Variants in SLC22A4 observed in about 807,000 individuals in gnomAD.
SLC22A4 encodes the protein ET transporter.
In SLC22A4, 39 loss-of-function variants were observed where a neutral mutation model predicts 56.6. That is an observed-to-expected ratio of 0.69 (90% CI 0.53 to 0.90). SLC22A4 has a LOEUF of 0.90. SLC22A4 is among the 40% of genes least tolerant of loss of function. SLC22A4 has a pLI of 0.00. For synonymous variants in SLC22A4, 241 were observed against 281.4 expected, an observed-to-expected ratio of 0.86 and a Z score of 1.44; for missense variants, 594 against 696.5, an observed-to-expected ratio of 0.85 and a Z score of 1.66.
chr5:132,294,480 C>T lies in SLC22A4; in HGVS notation c.-137C>T. On this transcript the variant is annotated 5_prime_UTR_variant, in exon 1 of 10. Coordinates refer to ENST00000200652, the MANE Select transcript of SLC22A4 (RefSeq NM_003059.3). This position sits in a 1 kb window ranked among gnomAD's most constrained non-coding sequence, Gnocchi z 5.6. ...GTTTCCCAGGAACGGTCCCCGGCTT[C>T]GCGCCCCAATTTCTAACAGCCTGCC... 8.0e-7 allele frequency: 1 copy of T among 1,252,004 alleles called. No individual in the cohort carries two copies. Among genetic ancestry groups the T allele is most frequent in the Non-Finnish European group, 1.1e-6 (1 of 890,360 alleles). 77.6% of individuals were successfully genotyped at this position (1,252,004 alleles called of 1,614,324 possible).
At chr5:132,295,417 T>G in intron 1 of SLC22A4, 1 of 412,836 alleles carries the variant, frequency 2.4e-6, no homozygotes. Flanking sequence ...GGGCCAAATC[T>G]TGTCTGTTCC....
At chr5:132,315,483 C>T (rs1375160012) in intron 3 of SLC22A4, among the ~76,000 whole-genome samples, 1 of 152,134 alleles carries the variant, frequency 6.6e-6, no homozygotes, top group African/African-American at 2.4e-5. Context: ...CTCCAAGCCT[C>T]CCCTGTGTGA....
Position 132,324,563 on chromosome 5 carries a change from TC to T in SLC22A4, c.824+2213del, listed in dbSNP as rs528013729. On this transcript the variant is annotated intron_variant, in intron 4 of 9. Coordinates refer to ENST00000200652, the MANE Select transcript of SLC22A4 (RefSeq NM_003059.3). ...GGACCAGCACTGACAAGCTGAGTGC[TC>T]CCCCTGAACATTTACCAGTGGTCTT... 113 of 471,138 alleles carry T rather than the reference TC, an allele frequency of 2.4e-4. 1 individual carries two copies. The highest frequency in any genetic ancestry group is 1.7e-3 in the South Asian group (110 of 64,566). 29.2% of individuals were successfully genotyped at this position (471,138 alleles called of 1,614,324 possible).
chr5:132,339,439 A>G (rs2126743284), intron 8 of SLC22A4, among the ~76,000 whole-genome samples: 1 of 150,714 alleles, frequency 6.6e-6, no homozygotes, highest in East Asian at 2.0e-4. Flanking sequence ...GACACACCTC[A>G]TCAATTGGGC....
rs1246277168 is a variant in SLC22A4 at position 132,315,132 on chromosome 5, G to A, written c.652+1364G>A. Reference sequence around the variant, plus strand: ...AGTGGCTCCAAGAACACAAGGCAAAGCCTATTGTCTTCATGTTCAAAGTCC... The same window carrying A: ...AGTGGCTCCAAGAACACAAGGCAAAACCTATTGTCTTCATGTTCAAAGTCC... On this transcript the variant is annotated intron_variant, in intron 3 of 9. Transcript: ENST00000200652. 2.6e-4 allele frequency among the ~76,000 whole-genome samples: 40 copies of A among 152,194 alleles called. 1 individual carries two copies. The highest frequency in any genetic ancestry group is 1.5e-5 in the Non-Finnish European group (1 of 68,028).
At chr5:132,320,589 G>A (rs1750502484) in intron 3 of SLC22A4, among the ~76,000 whole-genome samples, 1 of 152,204 alleles carries the variant, frequency 6.6e-6, no homozygotes, top group South Asian at 2.1e-4. Flanking sequence ...CAAAGTACTG[G>A]CTGTTTCTAT....
chr5:132,336,670 C>G (rs1196816094), intron 8 of SLC22A4, among the ~76,000 whole-genome samples: 1 of 152,078 alleles, frequency 6.6e-6, no homozygotes, highest in Non-Finnish European at 1.5e-5. Flanking sequence ...TAAATAGGTA[C>G]CTCCTTTTAA....
chr5:132,309,108 A>G (rs1478722055), intron 1 of SLC22A4, among the ~76,000 whole-genome samples: 1 of 152,342 alleles, frequency 6.6e-6, no homozygotes. Flanking sequence ...TGAAGGGCCC[A>G]GGGGCAGGCA....
At chr5:132,337,273 T>A (rs868566492) in intron 8 of SLC22A4, among the ~76,000 whole-genome samples, 1 of 94,714 alleles carries the variant, frequency 1.1e-5, no homozygotes, top group South Asian at 2.9e-4. Context: ...GATTACCTTT[T>A]TTTTTTTTTT....
chr5:132,332,264 T>C (rs1249022242), intron 6 of SLC22A4: 3 of 287,918 alleles, frequency 1.0e-5, no homozygotes, highest in East Asian at 1.7e-4. Context: ...CAGTGAGCCT[T>C]GATCGCACTA....
chr5:132,344,133 C>T lies in SLC22A4; in HGVS notation c.*298C>T, dbSNP rs1274259269. 6.2e-6 allele frequency: 2 copies of T among 323,694 alleles called. No homozygotes were observed. The highest frequency in any genetic ancestry group is 1.2e-4 in the East Asian group (2 of 17,342). 20.1% of individuals were successfully genotyped at this position (323,694 alleles called of 1,614,324 possible). On this transcript the variant is annotated 3_prime_UTR_variant, in exon 10 of 10. Transcript: ENST00000200652. ...TAAAATACATATAAAGATTAACACTCATTTCCAATCATACAAATACTATCC... is the reference window on the plus strand; with the variant it reads ...TAAAATACATATAAAGATTAACACTTATTTCCAATCATACAAATACTATCC...
chr5:132,335,022 C>A, intron 7 of SLC22A4, 90 bp downstream of exon 7: 1 of 887,976 alleles, frequency 1.1e-6, no homozygotes. Context: ...GTTTATTCAG[C>A]CTTTACATCA....
chr5:132,315,065 G>C (rs889504026), intron 3 of SLC22A4, among the ~76,000 whole-genome samples: 1 of 152,224 alleles, frequency 6.6e-6, no homozygotes, highest in African/African-American at 2.4e-5. Context: ...GAAACTGGAG[G>C]TTGGAGGAAC....
At position 132,327,153 on chromosome 5, in the gene SLC22A4, GGA is replaced by G. The variant is rs1202139542; in HGVS notation, c.825-123_825-122del. 15 of 713,998 alleles carry G rather than the reference GGA, an allele frequency of 2.1e-5. No homozygotes were observed. The Admixed American group carries it at 4.3e-4, about 21-fold the overall frequency. The allele number at this position is 713,998 out of a possible 1,614,324, so 44.2% of individuals were successfully genotyped here. ...CTATGCTCCAATAGAAATCTTATGT[GGA>G]CTCCCTTTAAAAAGACAAACTAGAA... is the stretch of plus-strand genomic sequence containing the variant. On this transcript the variant is annotated intron_variant, in intron 4 of 9. Coordinates refer to ENST00000200652, the MANE Select transcript of SLC22A4 (RefSeq NM_003059.3).
At chr5:132,341,705 A>G (rs1014419730) in intron 9 of SLC22A4, among the ~76,000 whole-genome samples, 3 of 152,052 alleles carry the variant, frequency 2.0e-5, no homozygotes, top group Non-Finnish European at 4.4e-5. Context: ...CCCAGCACTT[A>G]GGGAGATTGA....
intron 1 of SLC22A4, chr5:132,295,588 A>G: frequency 3.4e-6 from 1 of 292,468 alleles, no homozygotes; most frequent in Non-Finnish European, 6.7e-6. Context: ...CCCAGCTGGA[A>G]GCCCTGGCCC....
intron 6 of SLC22A4, among the ~76,000 whole-genome samples, chr5:132,333,272 A>C (rs988004071): frequency 9.2e-5 from 14 of 152,366 alleles, no homozygotes; most frequent in African/African-American, 3.4e-4. Context: ...AATTAACAAG[A>C]GCAAAGTCTG....
chr5:132,315,033 G>T (rs1053926146), intron 3 of SLC22A4, among the ~76,000 whole-genome samples: 4 of 152,168 alleles, frequency 2.6e-5, no homozygotes, highest in African/African-American at 4.8e-5. Flanking sequence ...AGGGCACAGG[G>T]AGCTTCAGGC....
At chr5:132,318,261 C>G (rs1219916189) in intron 3 of SLC22A4, among the ~76,000 whole-genome samples, 3 of 152,188 alleles carry the variant, frequency 2.0e-5, no homozygotes, top group Non-Finnish European at 4.4e-5. Flanking sequence ...ATTTCAACTG[C>G]TTGATCAGGA....
Sources: gnomAD v4.1 joint callset for allele counts (sites outside exome capture counted in the v4.1 genomes callset) on GRCh38, gnomAD v4.1.1 for gene constraint, Gnocchi (gnomAD v3.1) non-coding constraint, MANE v1.5 for transcripts, NCBI Gene and HGNC (gene_info 2026-07-23, HGNC 2026-07-21) for gene names.